The following CNTN3 variants were observed in gnomAD, a reference collection of about 807,000 sequenced individuals.
CNTN3 encodes contactin 3.
In CNTN3, 60 loss-of-function variants were observed where a neutral mutation model predicts 119.1. That is an observed-to-expected ratio of 0.50 (90% CI 0.41 to 0.62). CNTN3 has a LOEUF of 0.62. Among genes scored for constraint, CNTN3 ranks in the 20% least tolerant of loss-of-function variants. The pLI is 0.00. For synonymous variants in CNTN3, 450 were observed against 438.7 expected, an observed-to-expected ratio of 1.03 and a Z score of -0.32; for missense variants, 1,101 against 1,242.4, an observed-to-expected ratio of 0.89 and a Z score of 1.71.
At chr3:74,346,953 C>G (rs1253197630) in intron 11 of CNTN3, among the ~76,000 whole-genome samples, 1 of 152,116 alleles carries the variant, frequency 6.6e-6, no homozygotes, top group African/African-American at 2.4e-5. Context: ...ATAAATTAAA[C>G]TGGAAAATTA....
intron 1 of CNTN3, among the ~76,000 whole-genome samples, chr3:74,589,095 A>C (rs1371540968): frequency 6.6e-6 from 1 of 150,758 alleles, no homozygotes; most frequent in South Asian, 2.1e-4. Flanking sequence ...CAAAAGCCAA[A>C]ATTGACAAAT....
At chr3:74,377,372 TA>T (rs141688656) in intron 5 of CNTN3, among the ~76,000 whole-genome samples, 294 of 152,246 alleles carry the variant, frequency 1.9e-3, no homozygotes, top group African/African-American at 6.9e-3. Context: ...ATGAATATAG[TA>T]AAAAAGTCTA....
intron 1 of CNTN3, among the ~76,000 whole-genome samples, chr3:74,578,296 A>G (rs1293541632): frequency 1.3e-5 from 2 of 152,120 alleles, no homozygotes; most frequent in Non-Finnish European, 2.9e-5. Context: ...TTATTGCTAA[A>G]TGGCACAGTC....
rs188738928 is a variant in CNTN3, at chr3:74,570,021, T to C, written c.-81+44370A>G. On this transcript the variant is annotated intron_variant, in intron 1 of 22. Coordinates refer to ENST00000263665, the MANE Select transcript of CNTN3 (RefSeq NM_020872.3). ...TTTTCTAGGCCAGAGGAAGCTCTTATGCATAACCCCCACAGCCGGCTTCTG... is the reference window on the plus strand; with the variant it reads ...TTTTCTAGGCCAGAGGAAGCTCTTACGCATAACCCCCACAGCCGGCTTCTG... Among the ~76,000 whole-genome samples the C allele has an allele frequency of 2.5e-3, 379 of 152,290 alleles. 5 individuals are homozygous for C. The highest frequency in any genetic ancestry group is 8.7e-3 in the African/African-American group (360 of 41,560).
intron 14 of CNTN3, 39 bp from the exon 15 acceptor site, chr3:74,301,844 C>T: frequency 6.3e-7 from 1 of 1,598,738 alleles, no homozygotes; most frequent in Middle Eastern, 1.7e-4. Context: ...GTAGCAGTTC[C>T]ATAAATGTCA....
Position 74,521,066 on chromosome 3 carries a change from C to A in CNTN3, c.47G>T (p.Cys16Phe). The stretch of plus-strand genomic sequence containing the variant: ...ATAGGATTTTTTTTTACCTCCTAAG[C>A]AGCCAATGAATGAAAGCAGGATCAA... ...KQLILLSFIG[C>F]LGGELLLQGP... The change falls in exon 2 of 23, where the codon TGC (cysteine) becomes TTC (phenylalanine). Residue 16 changes from cysteine to phenylalanine, a missense_variant. Coordinates refer to ENST00000263665, the MANE Select transcript of CNTN3 (RefSeq NM_020872.3). The A allele has an allele frequency of 6.3e-7, 1 of 1,596,862 alleles. No individual in the cohort carries two copies.
chr3:74,299,297 A>G (rs1702406859), intron 17 of CNTN3, among the ~76,000 whole-genome samples: 1 of 151,994 alleles, frequency 6.6e-6, no homozygotes, highest in South Asian at 2.1e-4. Flanking sequence ...AGCATCTTCA[A>G]AAAATGCAGG....
At chr3:74,425,036 G>T in intron 4 of CNTN3, 96 bp from the exon 5 acceptor site, 4 of 812,776 alleles carry the variant, frequency 4.9e-6, no homozygotes, top group South Asian at 1.9e-5. Flanking sequence ...AACAATTTTA[G>T]TTTTTGCTTT....
intron 3 of CNTN3, among the ~76,000 whole-genome samples, chr3:74,494,846 G>C (rs963878390): frequency 6.6e-6 from 1 of 152,008 alleles, no homozygotes; most frequent in Non-Finnish European, 1.5e-5. Flanking sequence ...AGCCTACTAG[G>C]GCAATCTGAC....
At chr3:74,554,135 T>C (rs537925585) in intron 1 of CNTN3, among the ~76,000 whole-genome samples, 66 of 152,352 alleles carry the variant, frequency 4.3e-4, no homozygotes, top group African/African-American at 1.4e-3. Flanking sequence ...TTTCTGCATA[T>C]GGCTAGCCAG....
At chr3:74,563,829 G>A (rs536727456) in intron 1 of CNTN3, among the ~76,000 whole-genome samples, 2 of 152,212 alleles carry the variant, frequency 1.3e-5, no homozygotes, top group African/African-American at 4.8e-5. Flanking sequence ...TTAACACAGA[G>A]CCCGTTCTCA....
intron 5 of CNTN3, among the ~76,000 whole-genome samples, chr3:74,408,710 T>G (rs993362412): frequency 2.6e-5 from 4 of 152,122 alleles, no homozygotes; most frequent in African/African-American, 9.7e-5. Flanking sequence ...GAATCTTCTA[T>G]GCAGCTTTGT....
chr3:74,352,018 T>TAC lies in CNTN3; in HGVS notation c.1364+9871_1364+9872insGT, dbSNP rs545116100. Among the ~76,000 whole-genome samples the TAC allele has an allele frequency of 8.6e-4, 131 of 152,328 alleles. 3 individuals are homozygous for TAC. Among genetic ancestry groups the TAC allele is most frequent in the Middle Eastern group, 3.4e-3 (1 of 294 alleles). On this transcript the variant is annotated intron_variant, in intron 11 of 22. Transcript: ENST00000263665. ...ACTCTTGCTTATTTACCCAGGCATC[T>TAC]CAATCATCTCTTTAAGAGAAGAGTT...
chr3:74,424,022 T>A (rs897033785), intron 5 of CNTN3, among the ~76,000 whole-genome samples: 3 of 152,202 alleles, frequency 2.0e-5, no homozygotes, highest in African/African-American at 7.2e-5. Flanking sequence ...TCAGTTTCAC[T>A]TCTGGTCAGA....
At chr3:74,598,977 C>G (rs944795032) in intron 1 of CNTN3, among the ~76,000 whole-genome samples, 3 of 151,980 alleles carry the variant, frequency 2.0e-5, no homozygotes, top group Non-Finnish European at 4.4e-5. Flanking sequence ...CTAAATATAA[C>G]TATTTTGAAG....
rs1010373333 is a variant in CNTN3, at chr3:74,574,906, C to T, written c.-81+39485G>A. On this transcript the variant is annotated intron_variant, in intron 1 of 22. Coordinates refer to ENST00000263665, the MANE Select transcript of CNTN3 (RefSeq NM_020872.3). ...ACTGTGAGAGAAAGGAAAGCAAATG[C>T]TTTTCCCAGAAGCATTTTCTTTTTT... Among the ~76,000 whole-genome samples the T allele has an allele frequency of 1.1e-4, 16 of 148,662 alleles. No homozygotes were observed. The East Asian group carries it at 3.0e-3, about 28-fold the overall frequency.
intron 5 of CNTN3, among the ~76,000 whole-genome samples, chr3:74,412,832 C>T (rs571434101): frequency 6.6e-6 from 1 of 152,304 alleles, no homozygotes; most frequent in African/African-American, 2.4e-5. Context: ...ACCACAATCC[C>T]TTCTATACTG....
intron 4 of CNTN3, among the ~76,000 whole-genome samples, chr3:74,458,400 G>A (rs1702307262): frequency 6.6e-6 from 1 of 151,808 alleles, no homozygotes; most frequent in Non-Finnish European, 1.5e-5. Flanking sequence ...ATTTTAAGTT[G>A]CTGGAAAAAA....
chr3:74,421,370 G>A (rs570939698), intron 5 of CNTN3, among the ~76,000 whole-genome samples: 5 of 151,694 alleles, frequency 3.3e-5, no homozygotes, highest in South Asian at 4.2e-4. Context: ...GGGTTTTACC[G>A]TGTTGCCCAG....
Sources: allele counts gnomAD v4.1 joint callset (sites outside exome capture counted in the v4.1 genomes callset), GRCh38; gene constraint gnomAD v4.1.1; transcripts MANE v1.5; gene names NCBI Gene and HGNC (gene_info 2026-07-23, HGNC 2026-07-21).